SGCD: variants seen among roughly 807,000 people sequenced by gnomAD.
The protein encoded by SGCD is delta-sarcoglycan.
In SGCD, 18 loss-of-function variants were observed where a neutral mutation model predicts 36.6. The ratio of observed to expected loss-of-function variants is 0.49; its 90% CI spans 0.34 to 0.73. The LOEUF is 0.73. Ranked by LOEUF, SGCD falls within the 30% of genes least tolerant of loss-of-function variation. The pLI, the probability that SGCD is intolerant of heterozygous loss-of-function variation, is 0.01. For missense variants in SGCD, 387 were observed against 346.7 expected (o/e 1.12, Z -0.92); for synonymous variants, 133 against 130.6 (o/e 1.02, Z -0.12).
Position 156,385,180 on chromosome 5 carries a change from T to C in SGCD, c.192+40503T>C, listed in dbSNP as rs185194149. ...ACCTGAGCTCTAATTCCACCTTGAC[T>C]AGTAACCAGTCCTATGCCTTTCACA... is the stretch of plus-strand genomic sequence containing the variant. On this transcript the variant is annotated intron_variant, in intron 3 of 8. Transcript: ENST00000337851. Among the ~76,000 whole-genome samples, 485 of 152,344 alleles carry C rather than the reference T, an allele frequency of 3.2e-3. 5 individuals carry two copies. Among genetic ancestry groups the C allele is most frequent in the Non-Finnish European group, 3.0e-3 (204 of 68,026 alleles).
At chr5:156,161,192 C>A (rs1484089566) in intron 3 of SGCD, among the ~76,000 whole-genome samples, 1 of 151,598 alleles carries the variant, frequency 6.6e-6, no homozygotes, top group Non-Finnish European at 1.5e-5. Flanking sequence ...TATCAAAGAT[C>A]GGGAATTTTT....
chr5:156,566,797 G>A (rs531495266), intron 4 of SGCD, among the ~76,000 whole-genome samples: 49 of 152,032 alleles, frequency 3.2e-4, no homozygotes, highest in Non-Finnish European at 5.7e-4. Flanking sequence ...AGATATTAAT[G>A]TCATCATAGA....
chr5:155,996,286 C>A (rs1758542553), intron 1 of SGCD, among the ~76,000 whole-genome samples: 2 of 152,094 alleles, frequency 1.3e-5, no homozygotes, highest in African/African-American at 4.8e-5. Flanking sequence ...TCCCATCCTT[C>A]ACCCTCACCC....
At chr5:156,004,035 C>G (rs968264708) in intron 1 of SGCD, among the ~76,000 whole-genome samples, 1 of 152,010 alleles carries the variant, frequency 6.6e-6, no homozygotes, top group Non-Finnish European at 1.5e-5. Flanking sequence ...TCAGAGAAGT[C>G]CATTCATATT....
intron 4 of SGCD, among the ~76,000 whole-genome samples, chr5:156,523,152 G>A (rs1013150960): frequency 5.3e-5 from 8 of 152,202 alleles, no homozygotes; most frequent in South Asian, 2.1e-4. Flanking sequence ...AAGAAAGCAG[G>A]ATTTACCAAA....
intron 3 of SGCD, among the ~76,000 whole-genome samples, chr5:156,416,945 T>C (rs1045893731): frequency 3.9e-5 from 6 of 152,154 alleles, no homozygotes; most frequent in Non-Finnish European, 8.8e-5. Context: ...ATTAATGAGG[T>C]TGAAGAATGT....
At chr5:156,208,503 G>A (rs1228506037) in intron 3 of SGCD, among the ~76,000 whole-genome samples, 2 of 152,216 alleles carry the variant, frequency 1.3e-5, no homozygotes, top group Non-Finnish European at 2.9e-5. Flanking sequence ...ACATGAGGAT[G>A]TGGGTGATAT....
intron 1 of SGCD, among the ~76,000 whole-genome samples, chr5:156,036,429 A>G (rs1759497893): frequency 6.6e-6 from 1 of 152,178 alleles, no homozygotes; most frequent in African/African-American, 2.4e-5. Context: ...TCAGGAAGAA[A>G]TTTAAAGCAA....
intron 1 of SGCD, among the ~76,000 whole-genome samples, chr5:155,871,390 G>A (rs1400561890): frequency 5.9e-5 from 9 of 152,176 alleles, no homozygotes; most frequent in Non-Finnish European, 8.8e-5. Context: ...CCTCTCTGCC[G>A]AAGTCCTTAT....
intron 1 of SGCD, among the ~76,000 whole-genome samples, chr5:155,967,736 G>A (rs1366671427): frequency 6.6e-6 from 1 of 152,036 alleles, no homozygotes; most frequent in Non-Finnish European, 1.5e-5. Context: ...TTCTGAGGCA[G>A]CCAAGAGTGA....
intron 3 of SGCD, among the ~76,000 whole-genome samples, chr5:156,243,559 A>C (rs1765358395): frequency 1.3e-5 from 2 of 152,304 alleles, no homozygotes; most frequent in African/African-American, 4.8e-5. Flanking sequence ...TATATGTAGA[A>C]TATATAAAAT....
intron 1 of SGCD, among the ~76,000 whole-genome samples, chr5:156,106,544 T>C (rs954968890): frequency 1.3e-5 from 2 of 152,154 alleles, no homozygotes; most frequent in African/African-American, 4.8e-5. Context: ...CTTGAATGAG[T>C]AGAAAATGGG....
chr5:156,586,371 G>A (rs1038650224), intron 4 of SGCD, among the ~76,000 whole-genome samples: 1 of 152,200 alleles, frequency 6.6e-6, no homozygotes, highest in Non-Finnish European at 1.5e-5. Context: ...TGATATACCA[G>A]TCTTGATGTT....
At chr5:156,287,856 A>C (rs544451112) in intron 3 of SGCD, among the ~76,000 whole-genome samples, 39 of 152,194 alleles carry the variant, frequency 2.6e-4, no homozygotes, top group African/African-American at 8.7e-4. Flanking sequence ...CTAGGATCAC[A>C]TCACTACACT....
chr5:156,623,599 C>T (rs927249349), intron 6 of SGCD, among the ~76,000 whole-genome samples: 3 of 152,168 alleles, frequency 2.0e-5, no homozygotes, highest in African/African-American at 4.8e-5. Flanking sequence ...TTGTTCTTCC[C>T]ACTCAGTTGC....
intron 3 of SGCD, among the ~76,000 whole-genome samples, chr5:156,251,149 C>A (rs1157704747): frequency 2.0e-5 from 3 of 152,060 alleles, no homozygotes; most frequent in African/African-American, 4.8e-5. Flanking sequence ...AAAAAGCAAC[C>A]AAATACCACA....
chr5:156,069,688 G>A (rs1033339557), intron 1 of SGCD, among the ~76,000 whole-genome samples: 2 of 151,146 alleles, frequency 1.3e-5, no homozygotes, highest in Admixed American at 6.6e-5. Flanking sequence ...GATGGGGATG[G>A]CATTGAATCT....
chr5:156,558,464 A>G (rs995398031), intron 4 of SGCD, among the ~76,000 whole-genome samples: 4 of 152,098 alleles, frequency 2.6e-5, no homozygotes, highest in Admixed American at 6.6e-5. Flanking sequence ...CCACACTCCT[A>G]AATTACTACT....
chr5:156,146,550 A>G (rs989028284), intron 3 of SGCD, among the ~76,000 whole-genome samples: 1 of 152,238 alleles, frequency 6.6e-6, no homozygotes, highest in Non-Finnish European at 1.5e-5. Flanking sequence ...AGGTTTAGAC[A>G]TATTACTTAA....
Sources: allele counts gnomAD v4.1 joint callset (sites outside exome capture counted in the v4.1 genomes callset), GRCh38; gene constraint gnomAD v4.1.1; transcripts MANE v1.5; gene names NCBI Gene and HGNC (gene_info 2026-07-23, HGNC 2026-07-21).